GLIS3: variants seen among roughly 807,000 people sequenced by gnomAD.
GLIS3 encodes GLIS family zinc finger 3.
Under a neutral mutation model 78.6 loss-of-function variants are expected in GLIS3, and 53 were observed. The observed-to-expected ratio is 0.67, with a 90% CI of 0.54 to 0.85. The LOEUF is 0.85. Among genes scored for constraint, GLIS3 ranks in the 40% least tolerant of loss-of-function variants. The pLI, the probability that GLIS3 is intolerant of heterozygous loss-of-function variation, is 0.00. For synonymous variants in GLIS3, 684 were observed against 509.9 expected (o/e 1.34, Z -4.60); for missense variants, 1,703 against 1,231.1 (o/e 1.38, Z -5.74).
chr9:4,024,171 C>A (rs1402425253), intron 4 of GLIS3, among the ~76,000 whole-genome samples: 1 of 152,110 alleles, frequency 6.6e-6, no homozygotes, highest in Non-Finnish European at 1.5e-5. Context: ...CTCTAATAGC[C>A]AGTCAAATCC....
At chr9:4,455,134 T>A in the GLIS3 span, among the ~76,000 whole-genome samples, 1 of 152,200 alleles carries the variant, frequency 6.6e-6, no homozygotes, top group African/African-American at 2.4e-5. Flanking sequence ...AAAAGAGTAC[T>A]CATGAAGAGC....
intron 4 of GLIS3, chr9:4,305,898 A>G (rs1233300960): frequency 6.6e-6 from 1 of 152,194 alleles, no homozygotes; most frequent in Non-Finnish European, 1.5e-5. Flanking sequence ...TAATTTTTTC[A>G]TTTGTACAAG....
intron 2 of GLIS3, among the ~76,000 whole-genome samples, chr9:4,167,963 G>A (rs1427733864): frequency 6.6e-6 from 1 of 152,156 alleles, no homozygotes; most frequent in African/African-American, 2.4e-5. Flanking sequence ...CACATTCTAA[G>A]GGCCAGCTGC....
chr9:3,994,176 T>C (rs893337919), intron 4 of GLIS3, among the ~76,000 whole-genome samples: 2 of 152,222 alleles, frequency 1.3e-5, no homozygotes, highest in African/African-American at 4.8e-5. Context: ...CTTCGGATCA[T>C]ATAAATCTGC....
chr9:3,968,718 T>C (rs1030141859), intron 4 of GLIS3, among the ~76,000 whole-genome samples: 9 of 152,298 alleles, frequency 5.9e-5, no homozygotes, highest in South Asian at 4.1e-4. Flanking sequence ...ATTCAGTTAA[T>C]TGTTATAAAT....
the GLIS3 span, among the ~76,000 whole-genome samples, chr9:4,381,297 AGAAT>A: frequency 3.0e-3 from 461 of 152,358 alleles, 4 homozygotes; most frequent in African/African-American, 0.01. Context: ...AAAAGTATAA[AGAAT>A]GAATTACATG....
the GLIS3 span, among the ~76,000 whole-genome samples, chr9:4,378,786 C>T: frequency 1.9e-4 from 29 of 152,130 alleles, no homozygotes; most frequent in Admixed American, 1.8e-3. Context: ...AGAGCAATAA[C>T]TTAAACACAC....
At chr9:4,425,126 G>T in the GLIS3 span, among the ~76,000 whole-genome samples, 4 of 152,100 alleles carry the variant, frequency 2.6e-5, no homozygotes, top group Non-Finnish European at 5.9e-5. Flanking sequence ...GCCAGAAGGA[G>T]CCTGGGTCCC....
At chr9:3,971,265 C>T (rs1818364267) in intron 4 of GLIS3, among the ~76,000 whole-genome samples, 1 of 152,124 alleles carries the variant, frequency 6.6e-6, no homozygotes, top group South Asian at 2.1e-4. Context: ...GAAGACACTA[C>T]ACACTTTCTG....
intron 2 of GLIS3, among the ~76,000 whole-genome samples, chr9:4,324,473 T>C (rs1409530412): frequency 6.6e-6 from 1 of 152,206 alleles, no homozygotes; most frequent in Non-Finnish European, 1.5e-5. Flanking sequence ...ATAAAACAGG[T>C]GAAAAGTTCT....
At chr9:4,091,527 A>G (rs1159903363) in intron 4 of GLIS3, among the ~76,000 whole-genome samples, 1 of 79,924 alleles carries the variant, frequency 1.3e-5, no homozygotes, top group African/African-American at 3.6e-5. Flanking sequence ...GCACACGTGC[A>G]CACAAACACA....
chr9:4,062,597 A>T (rs373752464), intron 4 of GLIS3, among the ~76,000 whole-genome samples: 15 of 152,200 alleles, frequency 9.9e-5, no homozygotes, highest in African/African-American at 3.6e-4. Context: ...TCTTCTGCCT[A>T]CCCCATAATT....
chr9:3,923,447 T>G (rs955272542), intron 6 of GLIS3, among the ~76,000 whole-genome samples: 2 of 151,942 alleles, frequency 1.3e-5, no homozygotes, highest in Non-Finnish European at 2.9e-5. Context: ...AAATCTGGAA[T>G]CCGGGTAATA....
chr9:3,979,046 AT>A (rs1819026513), intron 4 of GLIS3, among the ~76,000 whole-genome samples: 1 of 152,192 alleles, frequency 6.6e-6, no homozygotes. Flanking sequence ...GCACCCATGG[AT>A]TTTGGTATCC....
chr9:4,353,523 T>C, the GLIS3 span, among the ~76,000 whole-genome samples: 1 of 152,158 alleles, frequency 6.6e-6, no homozygotes. Context: ...CAGAACTGCC[T>C]CTGGGCACTG....
chr9:4,143,801 C>A (rs1834000440), intron 2 of GLIS3, among the ~76,000 whole-genome samples: 1 of 152,180 alleles, frequency 6.6e-6, no homozygotes, highest in Admixed American at 6.5e-5. Flanking sequence ...TTGGATTCCA[C>A]ACCTAAGTGA....
intron 4 of GLIS3, among the ~76,000 whole-genome samples, chr9:3,969,600 G>C (rs1238208077): frequency 2.6e-5 from 4 of 152,208 alleles, no homozygotes; most frequent in African/African-American, 9.6e-5. Context: ...AGCACCTTCA[G>C]CTGGGCTCAA....
At chr9:4,177,000 C>T (rs1309069675) in intron 2 of GLIS3, among the ~76,000 whole-genome samples, 1 of 152,216 alleles carries the variant, frequency 6.6e-6, no homozygotes, top group Non-Finnish European at 1.5e-5. Context: ...GTCAGAGCAA[C>T]ATCAGTACAT....
intron 2 of GLIS3, among the ~76,000 whole-genome samples, chr9:4,180,191 G>A (rs961554332): frequency 5.9e-5 from 9 of 152,156 alleles, no homozygotes; most frequent in Non-Finnish European, 1.2e-4. Flanking sequence ...CATGCACAAG[G>A]AGAGGAGATG....
Sources: allele counts gnomAD v4.1 joint callset (sites outside exome capture counted in the v4.1 genomes callset), GRCh38; gene constraint gnomAD v4.1.1; transcripts MANE v1.5; gene names NCBI Gene and HGNC (gene_info 2026-07-23, HGNC 2026-07-21).